Variants in RBMS3 observed in about 807,000 individuals in gnomAD.
RBMS3 encodes RNA-binding motif, single-stranded-interacting protein 3.
Under a neutral mutation model 66.8 loss-of-function variants are expected in RBMS3, and 27 were observed. That is an observed-to-expected ratio of 0.40 (90% CI 0.30 to 0.56). The LOEUF is 0.56. Among genes scored for constraint, RBMS3 ranks in the 20% least tolerant of loss-of-function variants. The pLI is 0.40. For synonymous variants in RBMS3, 188 were observed against 183.0 expected (o/e 1.03, Z -0.22); for missense variants, 513 against 549.5 (o/e 0.93, Z 0.66).
chr3:29,546,632 T>C (rs1383891586), intron 3 of RBMS3, among the ~76,000 whole-genome samples: 2 of 152,212 alleles, frequency 1.3e-5, no homozygotes, highest in Non-Finnish European at 2.9e-5. Context: ...TTTTTGACAA[T>C]GTATAAACAT....
At chr3:29,752,452 G>A (rs1288973576) in intron 5 of RBMS3, among the ~76,000 whole-genome samples, 4 of 152,096 alleles carry the variant, frequency 2.6e-5, no homozygotes, top group Non-Finnish European at 5.9e-5. Context: ...TGGAGCCCTC[G>A]CCGGGGAACC....
intron 4 of RBMS3, among the ~76,000 whole-genome samples, chr3:29,627,482 C>T (rs988666628): frequency 6.6e-6 from 1 of 152,000 alleles, no homozygotes; most frequent in Non-Finnish European, 1.5e-5. Flanking sequence ...TTTCCCCACC[C>T]CAGTCAGGAT....
intron 1 of RBMS3, among the ~76,000 whole-genome samples, chr3:29,407,940 G>C (rs2040093866): frequency 6.6e-6 from 1 of 152,076 alleles, no homozygotes; most frequent in Non-Finnish European, 1.5e-5. Context: ...ACTCAGAGGA[G>C]AGCAGTCCTA....
chr3:29,646,463 A>C (rs997982849), intron 4 of RBMS3, among the ~76,000 whole-genome samples: 5 of 152,206 alleles, frequency 3.3e-5, no homozygotes, highest in African/African-American at 1.2e-4. Context: ...AAATCATTCA[A>C]ATGTTGGTTT....
chr3:29,422,643 T>A (rs2040800867), intron 1 of RBMS3, among the ~76,000 whole-genome samples: 1 of 152,112 alleles, frequency 6.6e-6, no homozygotes, highest in Admixed American at 6.5e-5. Flanking sequence ...CTAATATTCA[T>A]TTTATCATGA....
chr3:29,680,295 C>G (rs905831027), intron 4 of RBMS3, among the ~76,000 whole-genome samples: 1 of 152,188 alleles, frequency 6.6e-6, no homozygotes, highest in Non-Finnish European at 1.5e-5. Context: ...GATGTTTTGC[C>G]TAACAGAAGT....
At chr3:29,728,423 G>T (rs2149332077) in intron 4 of RBMS3, among the ~76,000 whole-genome samples, 1 of 152,222 alleles carries the variant, frequency 6.6e-6, no homozygotes, top group South Asian at 2.1e-4. Flanking sequence ...CGGCAATCGT[G>T]ATGAAAGACA....
In RBMS3 at chr3:29,788,209, T is replaced by C. The variant is rs116003803; in HGVS notation, c.637+25220T>C. 5.8e-3 allele frequency among the ~76,000 whole-genome samples: 888 copies of C among 151,906 alleles called. 16 individuals are homozygous for C. The highest frequency in any genetic ancestry group is 0.021 in the African/African-American group (852 of 41,392). On this transcript the variant is annotated intron_variant, in intron 6 of 14. Transcript: ENST00000383767. Reference sequence around the variant, plus strand: ...CAATGTACTTTGGAGTTCATTTTTTTTTTTTTTTGGAAAAAAATGGTAATT... The same window carrying C: ...CAATGTACTTTGGAGTTCATTTTTTCTTTTTTTTGGAAAAAAATGGTAATT...
chr3:29,586,403 A>G lies in RBMS3; in HGVS notation c.308-711A>G, dbSNP rs148377020. Among the ~76,000 whole-genome samples the G allele has an allele frequency of 8.8e-3, 1,333 of 152,212 alleles. 21 individuals are homozygous for G. Among genetic ancestry groups the G allele is most frequent in the African/African-American group, 0.031 (1,273 of 41,530 alleles). On this transcript the variant is annotated intron_variant, in intron 3 of 14. Coordinates refer to ENST00000383767, the MANE Select transcript of RBMS3 (RefSeq NM_001003793.3). ...TAGGAAACTCATATACCCTTTTCAG[A>G]CTGTACACTAGAAACAAATAAGCAA...
intron 1 of RBMS3, among the ~76,000 whole-genome samples, chr3:29,327,494 C>G (rs1472172807): frequency 6.6e-6 from 1 of 152,186 alleles, no homozygotes; most frequent in Non-Finnish European, 1.5e-5. Context: ...TCCCTTCCTC[C>G]TTTTCCTCCT....
intron 1 of RBMS3, among the ~76,000 whole-genome samples, chr3:29,377,578 T>C (rs1250561849): frequency 6.6e-6 from 1 of 152,222 alleles, no homozygotes; most frequent in Non-Finnish European, 1.5e-5. Flanking sequence ...CATGCCCCTC[T>C]GAGCAGTTTA....
intron 10 of RBMS3, among the ~76,000 whole-genome samples, chr3:29,919,999 G>T (rs1011950717): frequency 6.6e-6 from 1 of 152,102 alleles, no homozygotes; most frequent in African/African-American, 2.4e-5. Context: ...AAAGCCAGTT[G>T]TTCCCTTATT....
At chr3:29,879,369 AT>A (rs1438909543) in intron 7 of RBMS3, among the ~76,000 whole-genome samples, 10 of 152,110 alleles carry the variant, frequency 6.6e-5, no homozygotes, top group African/African-American at 2.4e-4. Flanking sequence ...TAATTAACTT[AT>A]TTTTTATTGA....
chr3:29,631,499 A>G, intron 4 of RBMS3, among the ~76,000 whole-genome samples: 1 of 151,716 alleles, frequency 6.6e-6, no homozygotes, highest in Non-Finnish European at 1.5e-5. Context: ...TAACCTTCAT[A>G]TAAATATAAG....
intron 8 of RBMS3, among the ~76,000 whole-genome samples, chr3:29,892,104 C>G (rs2060014598): frequency 6.6e-6 from 1 of 151,420 alleles, no homozygotes; most frequent in Non-Finnish European, 1.5e-5. Context: ...TTTCTGCAGG[C>G]AAAATAATGT....
intron 2 of RBMS3, among the ~76,000 whole-genome samples, chr3:29,458,255 T>C (rs772486575): frequency 6.6e-6 from 1 of 152,196 alleles, no homozygotes; most frequent in Non-Finnish European, 1.5e-5. Context: ...CTAGTGAAGA[T>C]TTCTGATGGA....
At chr3:29,329,299 A>C (rs1300395599) in intron 1 of RBMS3, among the ~76,000 whole-genome samples, 1 of 152,150 alleles carries the variant, frequency 6.6e-6, no homozygotes, top group Non-Finnish European at 1.5e-5. Flanking sequence ...TATGAACCTT[A>C]AAATGTATAT....
chr3:29,489,958 G>A (rs1480440518), intron 3 of RBMS3, among the ~76,000 whole-genome samples: 2 of 144,712 alleles, frequency 1.4e-5, no homozygotes, highest in Non-Finnish European at 1.5e-5. Context: ...CAGGAGAATC[G>A]TTTGAACCCA....
At chr3:29,779,483 T>C (rs1055611642) in intron 6 of RBMS3, among the ~76,000 whole-genome samples, 2 of 151,418 alleles carry the variant, frequency 1.3e-5, no homozygotes, top group African/African-American at 4.8e-5. Context: ...ATGCTTTTTA[T>C]TCCTTGAATT....
Sources: allele counts gnomAD v4.1 joint callset (sites outside exome capture counted in the v4.1 genomes callset), GRCh38; gene constraint gnomAD v4.1.1; transcripts MANE v1.5; gene names NCBI Gene and HGNC (gene_info 2026-07-23, HGNC 2026-07-21).